The following NCK2 variants were observed in gnomAD, a reference collection of about 807,000 sequenced individuals.
The protein encoded by NCK2 is cytoplasmic protein NCK2.
NCK2 carries 16 observed loss-of-function variants against 33.9 expected under a neutral mutation model. The ratio of observed to expected loss-of-function variants is 0.47; its 90% confidence interval spans 0.32 to 0.72. The LOEUF is 0.72. Ranked by LOEUF, NCK2 falls within the 30% of genes least tolerant of loss-of-function variation. NCK2 has a pLI of 0.03. For missense variants in NCK2, 418 were observed against 537.3 expected (o/e 0.78, Z 2.19); for synonymous variants, 273 against 239.9 (o/e 1.14, Z -1.27).
chr2:105,851,624 G>A (rs751747464), intron 2 of NCK2: 7 of 152,600 alleles, frequency 4.6e-5, no homozygotes, highest in Non-Finnish European at 1.0e-4. Flanking sequence ...AGAAGCGGAA[G>A]CGTTCAGGGA....
intron 1 of NCK2, among the ~76,000 whole-genome samples, chr2:105,747,919 T>G (rs1385811162): frequency 6.6e-6 from 1 of 152,248 alleles, no homozygotes; most frequent in East Asian, 1.9e-4. Context: ...TTTGCATTTC[T>G]TTAGGCCATT....
chr2:105,753,985 C>T (rs569242912), intron 1 of NCK2, among the ~76,000 whole-genome samples: 1 of 152,154 alleles, frequency 6.6e-6, no homozygotes, highest in Non-Finnish European at 1.5e-5. Context: ...TTGTCTGTGC[C>T]AGCTTCTCGA....
intron 2 of NCK2, among the ~76,000 whole-genome samples, chr2:105,836,567 C>T (rs958263767): frequency 4.6e-5 from 7 of 152,316 alleles, no homozygotes; most frequent in Non-Finnish European, 1.0e-4. Context: ...AGGCCCCATG[C>T]AGTCAGCTTT....
At chr2:105,817,443 C>T (rs537982170) in intron 2 of NCK2, among the ~76,000 whole-genome samples, 9 of 152,230 alleles carry the variant, frequency 5.9e-5, no homozygotes, top group South Asian at 2.1e-4. Flanking sequence ...CCAGTTAATC[C>T]GGTGTTCTCT....
chr2:105,818,115 C>A (rs1243030276), intron 2 of NCK2, among the ~76,000 whole-genome samples: 1 of 151,858 alleles, frequency 6.6e-6, no homozygotes, highest in East Asian at 1.9e-4. Flanking sequence ...GTGATGAGTT[C>A]ATGTCCTTTG....
intron 1 of NCK2, among the ~76,000 whole-genome samples, chr2:105,799,263 C>T (rs1691184789): frequency 9.4e-6 from 1 of 106,648 alleles, no homozygotes; most frequent in Non-Finnish European, 2.4e-5. Context: ...AATTTGAGTC[C>T]TAGGTTTAAA....
At chr2:105,823,868 C>T (rs1675843829) in intron 2 of NCK2, among the ~76,000 whole-genome samples, 1 of 152,078 alleles carries the variant, frequency 6.6e-6, no homozygotes. Flanking sequence ...AATTATGAAT[C>T]TGCTCTGGCT....
At chr2:105,817,424 G>C (rs1675536429) in intron 2 of NCK2, among the ~76,000 whole-genome samples, 1 of 152,182 alleles carries the variant, frequency 6.6e-6, no homozygotes, top group South Asian at 2.1e-4. Flanking sequence ...ATGAATTGCT[G>C]TTTGTAGTCC....
intron 1 of NCK2, among the ~76,000 whole-genome samples, chr2:105,754,371 T>C (rs1444146309): frequency 6.6e-6 from 1 of 152,214 alleles, no homozygotes; most frequent in African/African-American, 2.4e-5. Flanking sequence ...CCCATGCCCA[T>C]CTTAGAGGAC....
chr2:105,802,986 A>G (rs1674898818), intron 1 of NCK2, among the ~76,000 whole-genome samples: 1 of 151,708 alleles, frequency 6.6e-6, no homozygotes, highest in African/African-American at 2.4e-5. Flanking sequence ...TTGTTGGATG[A>G]ATTAACTTGA....
intron 2 of NCK2, among the ~76,000 whole-genome samples, chr2:105,843,325 G>A (rs578193608): frequency 2.0e-5 from 3 of 151,576 alleles, no homozygotes; most frequent in African/African-American, 7.3e-5. Flanking sequence ...TTTTGGATTC[G>A]GAGCATTTTG....
chr2:105,784,778 C>A (rs374680074), intron 1 of NCK2, among the ~76,000 whole-genome samples: 1 of 152,126 alleles, frequency 6.6e-6, no homozygotes, highest in African/African-American at 2.4e-5. Flanking sequence ...TGTTCCAGGC[C>A]CGTGTTTCCC....
At chr2:105,791,469 G>A (rs752811237) in intron 1 of NCK2, among the ~76,000 whole-genome samples, 14 of 152,186 alleles carry the variant, frequency 9.2e-5, no homozygotes, top group Non-Finnish European at 1.5e-4. Context: ...TCGCCCCGTT[G>A]CCGTGCTTAC....
intron 1 of NCK2, among the ~76,000 whole-genome samples, chr2:105,768,199 C>A (rs75759458): frequency 0.019 from 2,866 of 152,306 alleles, 51 homozygotes; most frequent in Non-Finnish European, 0.022. Context: ...CTTTCTTTGC[C>A]TGTCTGTAGA....
chr2:105,833,782 G>T (rs1220579594), intron 2 of NCK2, among the ~76,000 whole-genome samples: 2 of 151,788 alleles, frequency 1.3e-5, no homozygotes, highest in Non-Finnish European at 2.9e-5. Flanking sequence ...TTTGATGTGG[G>T]CATTTATTGC....
At chr2:105,847,748 A>G (rs1005444179) in intron 2 of NCK2, among the ~76,000 whole-genome samples, 1 of 152,222 alleles carries the variant, frequency 6.6e-6, no homozygotes, top group African/African-American at 2.4e-5. Flanking sequence ...TCTAAAATGA[A>G]CAACAAATAG....
intron 1 of NCK2, among the ~76,000 whole-genome samples, chr2:105,782,381 C>T (rs963742877): frequency 1.3e-5 from 2 of 152,208 alleles, no homozygotes; most frequent in African/African-American, 4.8e-5. Flanking sequence ...ACTAGTTCCA[C>T]TCTCTCCACA....
chr2:105,774,703 G>A (rs1690247254), intron 1 of NCK2, among the ~76,000 whole-genome samples: 1 of 151,984 alleles, frequency 6.6e-6, no homozygotes, highest in Non-Finnish European at 1.5e-5. Context: ...AGTTGTCTGG[G>A]GCCTGGATGA....
chr2:105,860,797 G>A (rs1216909106), intron 3 of NCK2, among the ~76,000 whole-genome samples: 2 of 144,640 alleles, frequency 1.4e-5, no homozygotes, highest in South Asian at 2.2e-4. Flanking sequence ...TGCCCCGCCC[G>A]CCTGTGCATT....
Sources: allele counts gnomAD v4.1 joint callset (sites outside exome capture counted in the v4.1 genomes callset), GRCh38; gene constraint gnomAD v4.1.1; transcripts MANE v1.5; gene names NCBI Gene and HGNC (gene_info 2026-07-23, HGNC 2026-07-21).